The following PPIC variants were observed in gnomAD, a reference collection of about 807,000 sequenced individuals.
The protein encoded by PPIC is peptidylprolyl isomerase C.
Under a neutral mutation model 19.5 loss-of-function variants are expected in PPIC, and 19 were observed. The observed-to-expected ratio is 0.98, with a 90% CI of 0.68 to 1.43. PPIC has a LOEUF of 1.43. Among genes scored for constraint, PPIC ranks in the 40% most tolerant of loss-of-function variants. The probability of loss-of-function intolerance (pLI) is 0.00; values close to 1 mark genes in which losing one functional copy is unlikely to be tolerated. For synonymous variants in PPIC, 107 were observed against 101.2 expected (o/e 1.06, Z -0.34); for missense variants, 268 against 268.6 (o/e 1.00, Z 0.02).
In PPIC at chr5:123,028,854, A is replaced by T. The variant is rs1246732980; in HGVS notation, c.246T>A (p.Tyr82Ter). ...TGACACGATGAAACTTGCTTCCTTT[A>T]TATCCATATCCTTTCTAAAGAGATT... ...ALATGEKGYG[Y>*]KGSKFHRVIK... Residue 82 changes from tyrosine (Y) to a stop codon, truncating the protein, a stop_gained, in exon 3 of 5, where the codon TAT (tyrosine) becomes TAA (stop). Coordinates refer to ENST00000306442, the MANE Select transcript of PPIC (RefSeq NM_000943.5). LOFTEE classifies it high-confidence loss of function. 6.2e-7 allele frequency: 1 copy of T among 1,608,710 alleles called. No individual in the cohort carries two copies. The highest frequency in any genetic ancestry group is 1.7e-5 in the Admixed American group (1 of 59,990).
At chr5:123,035,583 G>T (rs964003006) in intron 1 of PPIC, among the ~76,000 whole-genome samples, 1 of 152,084 alleles carries the variant, frequency 6.6e-6, no homozygotes. Context: ...GATTAGTATC[G>T]TTTCCATTGA....
chr5:123,026,062 ACCCTATAG>A, intron 3 of PPIC, 94 bp from the exon 4 acceptor site: 1 of 1,082,198 alleles, frequency 9.2e-7, no homozygotes, highest in East Asian at 2.7e-5. Flanking sequence ...AATTACTAGA[ACCCTATAG>A]GAGGTAGGGA....
At chr5:123,029,060 A>G in intron 2 of PPIC, 192 bp from the exon 3 acceptor site, 1 of 810,138 alleles carries the variant, frequency 1.2e-6, no homozygotes, top group Non-Finnish European at 1.9e-6. Context: ...ATGGAAGTAG[A>G]GTATTAATGT....
chr5:123,035,580 A>C (rs1762995765), intron 1 of PPIC, among the ~76,000 whole-genome samples: 1 of 152,096 alleles, frequency 6.6e-6, no homozygotes, highest in Admixed American at 6.5e-5. Context: ...GTTGATTAGT[A>C]TCGTTTCCAT....
chr5:123,024,644 G>GAA (rs1762824890), intron 4 of PPIC, among the ~76,000 whole-genome samples: 1 of 152,212 alleles, frequency 6.6e-6, no homozygotes, highest in African/African-American at 2.4e-5. Flanking sequence ...CAAGAAAGTA[G>GAA]GTTTTTGGTG....
chr5:123,036,150 A>C lies in PPIC; in HGVS notation c.117+359T>G. 4 of 222,846 alleles carry C rather than the reference A, an allele frequency of 1.8e-5. No homozygotes were observed. Among genetic ancestry groups the C allele is most frequent in the Non-Finnish European group, 3.6e-5 (4 of 112,528 alleles). 13.8% of individuals were successfully genotyped at this position (222,846 alleles called of 1,614,324 possible). ...TTCCTCTCGTTCTGCTCCCGAGCCCAGGCCACGCTGAAGGAAGTACTTGGG... is the reference window on the plus strand; with the variant it reads ...TTCCTCTCGTTCTGCTCCCGAGCCCCGGCCACGCTGAAGGAAGTACTTGGG... On this transcript the variant is annotated intron_variant, in intron 1 of 4. Transcript: ENST00000306442. The surrounding 1 kb of genome is among the most constrained non-coding windows in gnomAD (Gnocchi z 4.5).
At chr5:123,026,449 A>C (rs760123524) in intron 3 of PPIC, among the ~76,000 whole-genome samples, 6 of 152,186 alleles carry the variant, frequency 3.9e-5, no homozygotes, top group Non-Finnish European at 8.8e-5. Flanking sequence ...ATATATACCC[A>C]CACCGAATTC....
Position 123,025,832 on chromosome 5 carries a change from G to C in PPIC, c.462C>G (p.Thr154=), listed in dbSNP as rs556627573. ...ACACCACATGTTTGCCGTCCAACCA[G>C]GTGGGCTTGGTCAAGGTGATAAAGA... ...SQFFITLTKP[T]WLDGKHVVFG... Residue 154 remains threonine (T), a synonymous_variant, in exon 4 of 5, where the codon ACC becomes ACG. Transcript: ENST00000306442. 2 of 1,614,048 alleles carry C rather than the reference G, an allele frequency of 1.2e-6. No homozygotes were observed. Among genetic ancestry groups the C allele is most frequent in the Middle Eastern group, 1.6e-4 (1 of 6,062 alleles).
At chr5:123,032,656 G>A (rs1762958409) in intron 1 of PPIC, among the ~76,000 whole-genome samples, 1 of 152,156 alleles carries the variant, frequency 6.6e-6, no homozygotes, top group Non-Finnish European at 1.5e-5. Flanking sequence ...CTGGGCCAGG[G>A]GTGGGGTGGG....
chr5:123,025,924 G>A lies in PPIC; in HGVS notation c.370C>T (p.Leu124=). 5.6e-6 allele frequency: 9 copies of A among 1,610,116 alleles called. No homozygotes were observed. The highest frequency in any genetic ancestry group is 7.6e-6 in the Non-Finnish European group (9 of 1,178,846). ...ACCCACCCAATGCCATAGTGCTTCA[G>A]CTTGAAGTTCTCATCTGGAAATGTC... The part of the protein sequence containing the change: ...GETFPDENFK[L]KHYGIGWVSM... The change falls in exon 4 of 5, where the codon CTG becomes TTG. Residue 124 remains leucine (L), a synonymous_variant. Coordinates refer to ENST00000306442, the MANE Select transcript of PPIC (RefSeq NM_000943.5).
chr5:123,034,671 T>G (rs974096035), intron 1 of PPIC, among the ~76,000 whole-genome samples: 1 of 152,230 alleles, frequency 6.6e-6, no homozygotes, highest in Non-Finnish European at 1.5e-5. Context: ...CATTTATTCA[T>G]TGTTAATCTG....
intron 3 of PPIC, among the ~76,000 whole-genome samples, chr5:123,026,191 C>T (rs564659719): frequency 1.3e-5 from 2 of 152,254 alleles, no homozygotes; most frequent in African/African-American, 4.8e-5. Flanking sequence ...TTAAATATGG[C>T]ACAGGATAGT....
chr5:123,034,967 G>A (rs1053853185), intron 1 of PPIC, among the ~76,000 whole-genome samples: 4 of 152,192 alleles, frequency 2.6e-5, no homozygotes, highest in African/African-American at 9.7e-5. Flanking sequence ...AAACCCTTCA[G>A]TGGCTCTGAC....
chr5:123,026,100 C>T (rs138119614), intron 3 of PPIC, 132 bp from the exon 4 acceptor site: 9,519 of 718,990 alleles, frequency 0.013, 121 homozygotes, highest in Middle Eastern at 0.057. Context: ...CATGTTCAAA[C>T]ATAAGCAGAC....
At chr5:123,033,819 T>C (rs550171413) in intron 1 of PPIC, among the ~76,000 whole-genome samples, 31 of 152,338 alleles carry the variant, frequency 2.0e-4, no homozygotes, top group African/African-American at 6.3e-4. Context: ...AGCTGTAATA[T>C]GTGTGCAGCT....
Position 123,036,516 on chromosome 5 carries a change from G to A in PPIC, c.110C>T (p.Thr37Met). 9.3e-6 allele frequency: 15 copies of A among 1,606,356 alleles called. No individual in the cohort carries two copies. Among genetic ancestry groups the A allele is most frequent in the East Asian group, 2.2e-5 (1 of 44,674 alleles). ...EGFRKRGPSV[T>M]AKVFFDVRIG... ...CCCGCCGCTCTCGGTCACCTTGGCC[G>A]TCACCGAGGGGCCTCGCTTGCGGAA... Residue 37 changes from threonine (T) to methionine (M), a missense_variant, in exon 1 of 5, where the codon ACG becomes ATG. Coordinates refer to ENST00000306442, the MANE Select transcript of PPIC (RefSeq NM_000943.5). This position sits in a 1 kb window ranked among gnomAD's most constrained non-coding sequence, Gnocchi z 4.5.
intron 1 of PPIC, 30 bp from the exon 2 acceptor site, chr5:123,029,448 G>A (rs538470352): frequency 8.5e-6 from 13 of 1,531,426 alleles, no homozygotes; most frequent in Non-Finnish European, 1.1e-5. Context: ...AAAGTGGAAG[G>A]TTATAAGGTG....
intron 2 of PPIC, 138 bp from the exon 3 acceptor site, chr5:123,029,006 A>G (rs1166914910): frequency 2.3e-6 from 2 of 862,422 alleles, no homozygotes; most frequent in African/African-American, 1.7e-5. Context: ...GCTATGGTTT[A>G]CTGAGAGAAA....
In PPIC at chr5:123,023,531, A is replaced by T; in HGVS notation, c.*344T>A. 6.2e-6 allele frequency: 1 copy of T among 162,332 alleles called. No homozygotes were observed. The highest frequency in any genetic ancestry group is 1.4e-5 in the Non-Finnish European group (1 of 74,054). 10.1% of individuals were successfully genotyped at this position (162,332 alleles called of 1,614,324 possible). On this transcript the variant is annotated 3_prime_UTR_variant, in exon 5 of 5. Coordinates refer to ENST00000306442, the MANE Select transcript of PPIC (RefSeq NM_000943.5). ...AAATAATAATATCCTCATCTGTTTC[A>T]GATAAATGTTCAGCATTACCCAATA... is the stretch of plus-strand genomic sequence containing the variant.
Sources: allele counts gnomAD v4.1 joint callset (sites outside exome capture counted in the v4.1 genomes callset), GRCh38; gene constraint gnomAD v4.1.1; non-coding constraint Gnocchi (gnomAD v3.1); transcripts MANE v1.5; gene names NCBI Gene and HGNC (gene_info 2026-07-23, HGNC 2026-07-21).